Variants in ADCY1 observed in about 807,000 individuals in gnomAD.
The protein encoded by ADCY1 is adenylate cyclase 1.
ADCY1 carries 28 observed loss-of-function variants against 105.4 expected under a neutral mutation model. The observed-to-expected ratio is 0.27, with a 90% CI of 0.20 to 0.36. The LOEUF (loss-of-function observed/expected upper bound fraction) is 0.36, where lower values mean the gene tolerates loss of function less well. ADCY1 is among the 10% of genes least tolerant of loss of function. The pLI is 1.00. For synonymous variants in ADCY1, 655 were observed against 623.8 expected, an observed-to-expected ratio of 1.05 and a Z score of -0.75; for missense variants, 977 against 1,434.2, an observed-to-expected ratio of 0.68 and a Z score of 5.15.
chr7:45,648,991 T>A (rs1431043174), intron 5 of ADCY1, among the ~76,000 whole-genome samples, 194 bp downstream of exon 5: 1 of 152,222 alleles, frequency 6.6e-6, no homozygotes, highest in Non-Finnish European at 1.5e-5. Flanking sequence ...GAAAGGATGC[T>A]TCCGTGATTC....
intron 11 of ADCY1, chr7:45,684,691 C>T (rs117492315): frequency 0.021 from 5,314 of 255,582 alleles, 77 homozygotes; most frequent in Admixed American, 0.03. Context: ...GTTAATCTAT[C>T]CAGTTAACTT....
chr7:45,674,777 T>C (rs1183547402), intron 8 of ADCY1, among the ~76,000 whole-genome samples: 2 of 152,252 alleles, frequency 1.3e-5, no homozygotes, highest in Non-Finnish European at 2.9e-5. Context: ...ATTGACTCTT[T>C]AATCATTTTG....
chr7:45,704,927 C>T (rs1365407372), intron 17 of ADCY1, among the ~76,000 whole-genome samples: 2 of 151,432 alleles, frequency 1.3e-5, no homozygotes, highest in East Asian at 3.9e-4. Flanking sequence ...CAGCCCAGTC[C>T]CTCCCCCACC....
At chr7:45,674,222 C>T (rs1038493853) in intron 8 of ADCY1, among the ~76,000 whole-genome samples, 1 of 151,646 alleles carries the variant, frequency 6.6e-6, no homozygotes. Context: ...CTCTTGGGTA[C>T]CTGAAAAGAA....
intron 4 of ADCY1, among the ~76,000 whole-genome samples, chr7:45,645,725 T>C (rs1794644976): frequency 6.6e-6 from 1 of 152,074 alleles, no homozygotes; most frequent in East Asian, 1.9e-4. Context: ...CTGAGTCCAC[T>C]CACGCACATG....
rs1209700732 is a variant in ADCY1 at position 45,647,128 on chromosome 7, C to T, written c.1021-1542C>T. Among the ~76,000 whole-genome samples the T allele has an allele frequency of 6.6e-6, 1 of 152,236 alleles. No individual in the cohort carries two copies. The highest frequency in any genetic ancestry group is 1.9e-4 in the East Asian group (1 of 5,190). On this transcript the variant is annotated intron_variant, in intron 4 of 19. Transcript: ENST00000297323. This position sits in a 1 kb window ranked among gnomAD's most constrained non-coding sequence, Gnocchi z 4.6. Reference sequence around the variant, plus strand: ...GTGGCCAGGGCCATCTCTCAAGGTCCCTGCAACGCCAGGCCTGAGGGCAGC... The same window carrying T: ...GTGGCCAGGGCCATCTCTCAAGGTCTCTGCAACGCCAGGCCTGAGGGCAGC...
chr7:45,674,509 G>A (rs1488632508), intron 8 of ADCY1, among the ~76,000 whole-genome samples: 2 of 152,060 alleles, frequency 1.3e-5, no homozygotes, highest in African/African-American at 4.8e-5. Context: ...GAGTAGCTGG[G>A]ATTACAGGCA....
At chr7:45,650,290 TTTC>T (rs1794776042) in intron 5 of ADCY1, among the ~76,000 whole-genome samples, 1 of 152,078 alleles carries the variant, frequency 6.6e-6, no homozygotes, top group African/African-American at 2.4e-5. Flanking sequence ...GTCTTTCGTA[TTTC>T]TTAATGGATC....
intron 3 of ADCY1, among the ~76,000 whole-genome samples, chr7:45,611,361 A>G (rs1793587736): frequency 6.6e-6 from 1 of 152,026 alleles, no homozygotes; most frequent in East Asian, 1.9e-4. Context: ...TTCTTATTTC[A>G]GTATTCTTAC....
chr7:45,629,610 C>T (rs2115963265), intron 4 of ADCY1, among the ~76,000 whole-genome samples: 1 of 152,120 alleles, frequency 6.6e-6, no homozygotes, highest in Admixed American at 6.5e-5. Flanking sequence ...GCTCCGCTTC[C>T]CGGGTTCACG....
At chr7:45,630,282 G>GT (rs1794202131) in intron 4 of ADCY1, among the ~76,000 whole-genome samples, 2 of 152,220 alleles carry the variant, frequency 1.3e-5, no homozygotes, top group South Asian at 4.1e-4. Flanking sequence ...CAGTTTATCA[G>GT]TTTTTTTAAT....
intron 2 of ADCY1, among the ~76,000 whole-genome samples, chr7:45,598,453 A>G (rs1218083513): frequency 6.6e-6 from 1 of 152,252 alleles, no homozygotes; most frequent in Admixed American, 6.5e-5. Context: ...GAAAAGCATT[A>G]AAGAGACTGA....
At chr7:45,699,158 G>A (rs1332585717) in intron 14 of ADCY1, among the ~76,000 whole-genome samples, 1 of 152,098 alleles carries the variant, frequency 6.6e-6, no homozygotes, top group Non-Finnish European at 1.5e-5. Flanking sequence ...AGGCAGAGAG[G>A]GACCTTCAAA....
Position 45,662,058 on chromosome 7 carries a change from G to A in ADCY1, c.1450-1G>A, listed in dbSNP as rs1161866496. ...TCCTTGCCCCTTGTGTGTTTGGACA[G>A]ATATTTCCAGGCCTGATTCTCTCAG... is the stretch of plus-strand genomic sequence containing the variant. On this transcript the variant is annotated splice_acceptor_variant, in intron 7 of 19. Coordinates refer to ENST00000297323, the MANE Select transcript of ADCY1 (RefSeq NM_021116.4). LOFTEE classifies it high-confidence loss of function. 1 of 1,613,654 alleles carries A rather than the reference G, an allele frequency of 6.2e-7. No homozygotes were observed.
Position 45,686,179 on chromosome 7 carries a change from T to A in ADCY1, c.2291T>A (p.Ile764Asn). 1 of 1,614,092 alleles carries A rather than the reference T, an allele frequency of 6.2e-7. No individual in the cohort carries two copies. The highest frequency in any genetic ancestry group is 8.5e-7 in the Non-Finnish European group (1 of 1,179,998). ...ILLSGLTTSY[I>N]LVLELSGYTR... ...CTCTCCGGGCTCACCACGTCCTACATCCTCGTTCTGGAGCTCAGCGGATAC... is the reference window on the plus strand; with the variant it reads ...CTCTCCGGGCTCACCACGTCCTACAACCTCGTTCTGGAGCTCAGCGGATAC... The change falls in exon 13 of 20, where the codon ATC becomes AAC. Residue 764 changes from isoleucine (I) to asparagine (N), a missense_variant. Physicochemically the swap from Ile to Asn is moderately radical, Grantham distance 149 (BLOSUM62 -3). Transcript: ENST00000297323. This position sits in a 1 kb window ranked among gnomAD's most constrained non-coding sequence, Gnocchi z 4.3.
chr7:45,698,579 G>C (rs1412026807), intron 14 of ADCY1, among the ~76,000 whole-genome samples: 1 of 152,180 alleles, frequency 6.6e-6, no homozygotes, highest in African/African-American at 2.4e-5. Flanking sequence ...GTGCTGAGTT[G>C]GGTGCCCGGT....
intron 8 of ADCY1, among the ~76,000 whole-genome samples, chr7:45,673,503 G>A (rs1287434856): frequency 6.6e-6 from 1 of 152,086 alleles, no homozygotes; most frequent in Non-Finnish European, 1.5e-5. Flanking sequence ...ATGAGTTGTG[G>A]TAGTTGTGTT....
Position 45,682,164 on chromosome 7 carries a change from C to T in ADCY1, c.1983+2371C>T, listed in dbSNP as rs539058191. On this transcript the variant is annotated intron_variant, in intron 11 of 19. Transcript: ENST00000297323. Reference sequence around the variant, plus strand: ...GGAGCAGAGCCTGGCACAGCACACGCTCAGTTGGAGTGTTCTGAAGTCAGA... The same window carrying T: ...GGAGCAGAGCCTGGCACAGCACACGTTCAGTTGGAGTGTTCTGAAGTCAGA... Among the ~76,000 whole-genome samples, 16 of 152,282 alleles carry T rather than the reference C, an allele frequency of 1.1e-4. No individual in the cohort carries two copies. In the South Asian group the frequency reaches 2.7e-3, roughly 26 times the overall value.
intron 3 of ADCY1, among the ~76,000 whole-genome samples, chr7:45,610,728 TAG>T: frequency 5.0e-5 from 6 of 120,784 alleles, no homozygotes; most frequent in African/African-American, 6.4e-5. Context: ...GAGGAGGGGA[TAG>T]TGGAGGTGGG....
Sources: allele counts gnomAD v4.1 joint callset (sites outside exome capture counted in the v4.1 genomes callset), GRCh38; gene constraint gnomAD v4.1.1; non-coding constraint Gnocchi (gnomAD v3.1); transcripts MANE v1.5; gene names NCBI Gene and HGNC (gene_info 2026-07-23, HGNC 2026-07-21).